Variants in PLPPR4 observed in about 807,000 individuals in gnomAD.
The protein encoded by PLPPR4 is phospholipid phosphatase-related protein type 4.
PLPPR4 carries 24 observed loss-of-function variants against 56.6 expected under a neutral mutation model. The observed-to-expected ratio is 0.42, with a 90% CI of 0.31 to 0.60. The LOEUF is 0.60. PLPPR4 is among the 20% of genes least tolerant of loss of function. The probability of loss-of-function intolerance (pLI) is 0.13; values close to 1 mark genes in which losing one functional copy is unlikely to be tolerated. For missense variants in PLPPR4, 654 were observed against 885.8 expected (o/e 0.74, Z 3.32); for synonymous variants, 326 against 328.1 (o/e 0.99, Z 0.07).
At chr1:99,280,562 G>C (rs190184980) in intron 1 of PLPPR4, among the ~76,000 whole-genome samples, 28 of 152,196 alleles carry the variant, frequency 1.8e-4, no homozygotes, top group African/African-American at 6.3e-4. Context: ...TTAGGGCAAG[G>C]GTTGGTAATA....
rs141111347 is a variant in PLPPR4 at position 99,302,496 on chromosome 1, A to G, written c.822+599A>G. Among the ~76,000 whole-genome samples, 352 of 131,646 alleles carry G rather than the reference A, an allele frequency of 2.7e-3. 2 individuals carry two copies. The highest frequency in any genetic ancestry group is 0.01 in the African/African-American group (337 of 32,508). 86.4% of individuals were successfully genotyped at this position (131,646 alleles called of 152,430 possible). On this transcript the variant is annotated intron_variant, in intron 6 of 6. Transcript: ENST00000370185. Reference sequence around the variant, plus strand: ...GAACATTGTAACACTGAGAAATGAGATGTATTCTTTTTTTTATTATTATTA... The same window carrying G: ...GAACATTGTAACACTGAGAAATGAGGTGTATTCTTTTTTTTATTATTATTA...
rs896186019 is a variant in PLPPR4 at position 99,307,373 on chromosome 1, C to T, written c.*363C>T. 4.5e-6 allele frequency: 1 copy of T among 221,322 alleles called. No homozygotes were observed. Among genetic ancestry groups the T allele is most frequent in the East Asian group, 1.1e-4 (1 of 9,514 alleles). 13.7% of individuals were successfully genotyped at this position (221,322 alleles called of 1,614,324 possible). A position where few individuals can be genotyped will look rare whatever the true frequency, so the allele number is the denominator to read the frequency against. On this transcript the variant is annotated 3_prime_UTR_variant, in exon 7 of 7. Coordinates refer to ENST00000370185, the MANE Select transcript of PLPPR4 (RefSeq NM_014839.5). ...TTTTCTTTATAGTGAGCTGTGGGAA[C>T]CCAGAACACACACGTTTTCCCTACA... is the stretch of plus-strand genomic sequence containing the variant.
chr1:99,288,082 G>A lies in PLPPR4; in HGVS notation c.196G>A (p.Glu66Lys). 2 of 1,613,824 alleles carry A rather than the reference G, an allele frequency of 1.2e-6. No homozygotes were observed. The highest frequency in any genetic ancestry group is 2.2e-5 in the South Asian group (2 of 91,038). ...CCGGAGTCTTAGCATGCCGTACATT[G>A]AACCAACCCAGGAGGCAATTCCATT... is the stretch of plus-strand genomic sequence containing the variant. ...YDRSLSMPYIEPTQEAIPFLM... is the reference protein window; with the variant it reads ...YDRSLSMPYIKPTQEAIPFLM... The change falls in exon 2 of 7, where the codon GAA (glutamate) becomes AAA (lysine). Residue 66 changes from glutamate to lysine, a missense_variant. Physicochemically the swap from Glu to Lys is moderately conservative, Grantham distance 56. Coordinates refer to ENST00000370185, the MANE Select transcript of PLPPR4 (RefSeq NM_014839.5).
At chr1:99,279,050 T>G (rs941003292) in intron 1 of PLPPR4, among the ~76,000 whole-genome samples, 1 of 152,236 alleles carries the variant, frequency 6.6e-6, no homozygotes, top group African/African-American at 2.4e-5. Context: ...TTAACAATAC[T>G]GCAAGAATGT....
At chr1:99,302,369 C>T (rs1659901399) in intron 6 of PLPPR4, among the ~76,000 whole-genome samples, 1 of 152,004 alleles carries the variant, frequency 6.6e-6, no homozygotes, top group African/African-American at 2.4e-5. Flanking sequence ...GAAATATCCT[C>T]AGCATAAGGA....
upstream of PLPPR4, among the ~76,000 whole-genome samples, chr1:99,263,625 T>A (rs770453383): frequency 1.2e-4 from 19 of 152,294 alleles, no homozygotes; most frequent in Non-Finnish European, 2.2e-4. Context: ...AACTTGATAC[T>A]TCTGGTTGCC....
intron 1 of PLPPR4, among the ~76,000 whole-genome samples, chr1:99,277,399 T>C (rs532401215): frequency 4.6e-5 from 7 of 152,322 alleles, no homozygotes; most frequent in African/African-American, 1.7e-4. Flanking sequence ...TTGTGTAAGC[T>C]GAACCAAGTG....
At chr1:99,304,721 T>C (rs1659975210) in intron 6 of PLPPR4, among the ~76,000 whole-genome samples, 1 of 152,226 alleles carries the variant, frequency 6.6e-6, no homozygotes, top group Non-Finnish European at 1.5e-5. Flanking sequence ...AAGCATTCTA[T>C]AAAATGTTAA....
At chr1:99,265,149 C>A (rs1438630647) in intron 1 of PLPPR4, among the ~76,000 whole-genome samples, 3 of 147,206 alleles carry the variant, frequency 2.0e-5, no homozygotes, top group Non-Finnish European at 4.5e-5. Flanking sequence ...CTCCTGCCCC[C>A]CCCCCCCAAA....
chr1:99,270,004 TG>T (rs1659011213), intron 1 of PLPPR4, among the ~76,000 whole-genome samples: 1 of 69,342 alleles, frequency 1.4e-5, no homozygotes, highest in Non-Finnish European at 3.1e-5. Flanking sequence ...CTTTTGTGTG[TG>T]TGTGTGTGTG....
intron 2 of PLPPR4, 35 bp from the exon 3 acceptor site, chr1:99,296,703 C>T (rs893079206): frequency 6.5e-7 from 1 of 1,532,866 alleles, no homozygotes; most frequent in Non-Finnish European, 8.8e-7. Flanking sequence ...GGTATTCCAA[C>T]ATGCCTCTTC....
rs1024889147 is a variant in PLPPR4 at position 99,308,826 on chromosome 1, C to T, written c.*1816C>T. On this transcript the variant is annotated 3_prime_UTR_variant, in exon 7 of 7. Coordinates refer to ENST00000370185, the MANE Select transcript of PLPPR4 (RefSeq NM_014839.5). The stretch of plus-strand genomic sequence containing the variant: ...GAGGGGAGTGGGAATAAAATGTTGC[C>T]TTCCCCACTTCTCACCACCACCGCC... The T allele has an allele frequency of 6.6e-6, 1 of 152,542 alleles. No individual in the cohort carries two copies. The highest frequency in any genetic ancestry group is 6.5e-5 in the Admixed American group (1 of 15,276). 9.4% of individuals were successfully genotyped at this position (152,542 alleles called of 1,614,324 possible).
chr1:99,269,410 G>A (rs969223544), intron 1 of PLPPR4, among the ~76,000 whole-genome samples: 5 of 152,200 alleles, frequency 3.3e-5, no homozygotes, highest in South Asian at 2.1e-4. Flanking sequence ...CTTTATAGTA[G>A]AATGATTTAT....
intron 1 of PLPPR4, among the ~76,000 whole-genome samples, chr1:99,266,705 G>A (rs1182257788): frequency 6.6e-6 from 1 of 152,166 alleles, no homozygotes. Flanking sequence ...GTATCTTGGG[G>A]TTAACAGACT....
At chr1:99,279,565 C>T (rs77797109) in intron 1 of PLPPR4, among the ~76,000 whole-genome samples, 2,767 of 152,190 alleles carry the variant, frequency 0.018, 97 homozygotes, top group African/African-American at 0.063. Context: ...CTGTTGTTGC[C>T]GTTGAAACCC....
chr1:99,297,918 G>A (rs181617039), intron 3 of PLPPR4, among the ~76,000 whole-genome samples: 12 of 152,218 alleles, frequency 7.9e-5, no homozygotes, highest in Admixed American at 6.5e-4. Flanking sequence ...CTACCCTAGA[G>A]AACAATGTTC....
chr1:99,295,498 A>C (rs1659720003), intron 2 of PLPPR4, among the ~76,000 whole-genome samples: 1 of 152,234 alleles, frequency 6.6e-6, no homozygotes, highest in Non-Finnish European at 1.5e-5. Flanking sequence ...TGACATGATT[A>C]GTTGTATTTA....
At chr1:99,273,226 A>G (rs1659101980) in intron 1 of PLPPR4, among the ~76,000 whole-genome samples, 1 of 152,136 alleles carries the variant, frequency 6.6e-6, no homozygotes, top group Admixed American at 6.6e-5. Context: ...CTGTCAAGCA[A>G]CATAGAGGAG....
chr1:99,264,534 C>T lies in PLPPR4; in HGVS notation c.-60C>T. On this transcript the variant is annotated 5_prime_UTR_variant, in exon 1 of 7. Transcript: ENST00000370185. The stretch of plus-strand genomic sequence containing the variant: ...CTTGGGGCTGGAGGAGGCAGCTCGC[C>T]TCAGCTGCGCTGTGCACACCTCGCC... The T allele has an allele frequency of 1.4e-5, 21 of 1,551,212 alleles. No homozygotes were observed. Among genetic ancestry groups the T allele is most frequent in the Non-Finnish European group, 1.8e-5 (21 of 1,147,554 alleles).
Sources: allele counts gnomAD v4.1 joint callset (sites outside exome capture counted in the v4.1 genomes callset), GRCh38; gene constraint gnomAD v4.1.1; transcripts MANE v1.5; gene names NCBI Gene and HGNC (gene_info 2026-07-23, HGNC 2026-07-21).